Variants in LMF1 observed in about 807,000 individuals in gnomAD.
The protein encoded by LMF1 is lipase maturation factor 1.
LMF1 carries 68 observed loss-of-function variants against 60.6 expected under a neutral mutation model. That is an observed-to-expected ratio of 1.12 (90% CI 0.92 to 1.37). The LOEUF (loss-of-function observed/expected upper bound fraction) is 1.37, where lower values mean the gene tolerates loss of function less well. Among genes scored for constraint, LMF1 ranks in the 40% most tolerant of loss-of-function variants. LMF1 has a pLI of 0.00. For missense variants in LMF1, 948 were observed against 767.2 expected (o/e 1.24, Z -2.78); for synonymous variants, 418 against 324.7 (o/e 1.29, Z -3.09).
chr16:873,989 C>G (rs906169360), intron 6 of LMF1: 1 of 152,364 alleles, frequency 6.6e-6, no homozygotes, highest in Non-Finnish European at 1.5e-5. Flanking sequence ...CATGGAACGT[C>G]CGAGTCGGGA....
At chr16:973,484 CG>C (rs767080828), upstream of LMF1, among the ~76,000 whole-genome samples, 51 of 152,180 alleles carry the variant, frequency 3.4e-4, no homozygotes, top group Non-Finnish European at 6.3e-4. Flanking sequence ...ATGAAATGTC[CG>C]GGGTGGGCAA....
Position 954,559 on chromosome 16 carries a change from T to G in LMF1, c.301A>C (p.Arg101=), listed in dbSNP as rs1158762020. 2 of 1,613,270 alleles carry G rather than the reference T, an allele frequency of 1.2e-6. No homozygotes were observed. Among genetic ancestry groups the G allele is most frequent in the Admixed American group, 1.7e-5 (1 of 59,988 alleles). Residue 101 remains arginine (R), a synonymous_variant, in exon 2 of 11, where the codon AGG becomes CGG. Transcript: ENST00000262301. ...TAGCTGAAGACTTCCCAGCTCGTCC[T>G]GTCCTGGAAGTACTGCTGGAAGTTC... is the stretch of plus-strand genomic sequence containing the variant. ...LKNFQQYFQD[R]TSWEVFSYMP...
intron 4 of LMF1, among the ~76,000 whole-genome samples, chr16:893,878 G>A (rs1226608575): frequency 1.3e-5 from 2 of 152,104 alleles, no homozygotes; most frequent in Non-Finnish European, 2.9e-5. Context: ...ACACACTGGT[G>A]CATGGGAGGT....
chr16:981,343 A>AGTGT (rs1567354240), upstream of LMF1: 23 of 232,988 alleles, frequency 9.9e-5, no homozygotes, highest in African/African-American at 7.2e-4. Context: ...AGAGAGAGAG[A>AGTGT]GAGAGTGTGT....
upstream of LMF1, among the ~76,000 whole-genome samples, chr16:971,611 G>C (rs2073052939): frequency 6.6e-6 from 1 of 152,216 alleles, no homozygotes; most frequent in Non-Finnish European, 1.5e-5. Flanking sequence ...GGAAGAGGGG[G>C]ACTCAGGACT....
intron 4 of LMF1, chr16:901,045 C>T (rs4474684): frequency 0.42 from 63,475 of 151,544 alleles, 15,075 homozygotes; most frequent in African/African-American, 0.65. Flanking sequence ...ATGCAGACGT[C>T]CTCTCCAGAC....
intron 1 of LMF1, among the ~76,000 whole-genome samples, chr16:958,546 G>A (rs948968988): frequency 6.6e-6 from 1 of 152,212 alleles, no homozygotes; most frequent in Non-Finnish European, 1.5e-5. Context: ...GAAAACCACA[G>A]CGTGCTGTCA....
intron 6 of LMF1, among the ~76,000 whole-genome samples, chr16:875,791 C>T (rs570615884): frequency 8.5e-5 from 13 of 152,294 alleles, no homozygotes; most frequent in East Asian, 3.9e-4. Flanking sequence ...TGTTCTCCAC[C>T]GGCAGGGGCA....
intron 1 of LMF1, 128 bp downstream of exon 1, chr16:970,660 C>G (rs911835062): frequency 2.3e-6 from 2 of 865,964 alleles, no homozygotes; most frequent in Admixed American, 6.4e-5. Context: ...GCCCGGGCCC[C>G]AGCAGGAAGG....
intron 1 of LMF1, among the ~76,000 whole-genome samples, chr16:966,449 C>A (rs1051121297): frequency 1.3e-5 from 2 of 152,248 alleles, no homozygotes; most frequent in African/African-American, 4.8e-5. Flanking sequence ...TCTGCGCCGA[C>A]GCCATGGCAC....
At chr16:950,555 T>TGACAGAGACAGAGCCAAC (rs1346597854) in intron 2 of LMF1, among the ~76,000 whole-genome samples, 37 of 88,828 alleles carry the variant, frequency 4.2e-4, no homozygotes, top group Non-Finnish European at 6.7e-4. Context: ...AGTCAGCCAA[T>TGACAGAGACAGAGCCAAC]GACAGAGTCA....
At chr16:951,410 A>G (rs1490566870) in intron 2 of LMF1, among the ~76,000 whole-genome samples, 1 of 152,274 alleles carries the variant, frequency 6.6e-6, no homozygotes, top group Non-Finnish European at 1.5e-5. Flanking sequence ...GACTTCAGAT[A>G]CTATAGCAGA....
chr16:900,345 T>C (rs573923643), intron 4 of LMF1: 1 of 152,374 alleles, frequency 6.6e-6, no homozygotes, highest in South Asian at 2.1e-4. Flanking sequence ...CAAGACAGTT[T>C]GCACACAAGG....
chr16:958,818 C>T (rs1451690707), intron 1 of LMF1, among the ~76,000 whole-genome samples: 9 of 151,866 alleles, frequency 5.9e-5, no homozygotes, highest in Admixed American at 2.6e-4. Flanking sequence ...ACCCAGGAGG[C>T]GGAGGTTGGA....
intron 3 of LMF1, 113 bp from the exon 4 acceptor site, chr16:911,192 G>A (rs1252844189): frequency 6.5e-6 from 8 of 1,222,720 alleles, no homozygotes; most frequent in Non-Finnish European, 8.2e-6. Context: ...GGCTGATCTT[G>A]CTACTGAGAG....
In LMF1 at chr16:890,881, G is replaced by A. The variant is rs1256812010; in HGVS notation, c.729+2126C>T. Among the ~76,000 whole-genome samples, 3 of 152,338 alleles carry A rather than the reference G, an allele frequency of 2.0e-5. No individual in the cohort carries two copies. In the East Asian group the frequency reaches 5.8e-4, roughly 29 times the overall value. The stretch of plus-strand genomic sequence containing the variant: ...CCCTCCGGTGGCAGTGACACCGAGG[G>A]TGCCTCGAGACATCCAGGGCCATCC... On this transcript the variant is annotated intron_variant, in intron 5 of 10. Transcript: ENST00000262301.
chr16:978,353 C>CACA (rs1567351153), intron 1 of LMF1, among the ~76,000 whole-genome samples: 2 of 151,230 alleles, frequency 1.3e-5, no homozygotes, highest in Non-Finnish European at 2.9e-5. Flanking sequence ...CAAACACACA[C>CACA]CACACACACA....
At chr16:945,461 G>A (rs1597046976) in intron 2 of LMF1, among the ~76,000 whole-genome samples, 1 of 152,028 alleles carries the variant, frequency 6.6e-6, no homozygotes, top group Non-Finnish European at 1.5e-5. Context: ...AGGAGGTTGA[G>A]GCTGCAGTGG....
chr16:863,963 G>C (rs539192981), intron 10 of LMF1, among the ~76,000 whole-genome samples: 1 of 152,130 alleles, frequency 6.6e-6, no homozygotes, highest in African/African-American at 2.4e-5. Flanking sequence ...ACATCATTAG[G>C]CCCTGCCTGT....
Sources: allele counts gnomAD v4.1 joint callset (sites outside exome capture counted in the v4.1 genomes callset), GRCh38; gene constraint gnomAD v4.1.1; transcripts MANE v1.5; gene names NCBI Gene and HGNC (gene_info 2026-07-23, HGNC 2026-07-21).